The following CTNNA3 variants were observed in gnomAD, a reference collection of about 807,000 sequenced individuals.
CTNNA3 encodes the protein catenin alpha-3.
A neutral mutation model predicts 95.7 loss-of-function variants in CTNNA3; 76 were observed. The observed-to-expected ratio is 0.79, with a 90% CI of 0.66 to 0.96. The LOEUF (loss-of-function observed/expected upper bound fraction) is 0.96. Ranked by LOEUF, CTNNA3 falls within the 40% of genes least tolerant of loss-of-function variation. CTNNA3 has a pLI of 0.00. For missense variants in CTNNA3, 1,191 were observed against 1,089.8 expected (o/e 1.09, Z -1.31); for synonymous variants, 431 against 374.4 (o/e 1.15, Z -1.74).
chr10:66,110,360 TAAAAAAAAAAAAAA>T (rs35402161), intron 13 of CTNNA3, among the ~76,000 whole-genome samples: 1 of 104,886 alleles, frequency 9.5e-6, no homozygotes, highest in Non-Finnish European at 2.0e-5. Flanking sequence ...AGACTCTGTC[TAAAAAAAAAAAAAA>T]AAAAAAAATT....
At chr10:67,152,037 G>A (rs1269087031) in intron 7 of CTNNA3, among the ~76,000 whole-genome samples, 3 of 152,136 alleles carry the variant, frequency 2.0e-5, no homozygotes, top group Non-Finnish European at 4.4e-5. Context: ...GCTCCATATT[G>A]TAAGAGTTTA....
At chr10:65,929,928 G>A (rs1337511334) in intron 17 of CTNNA3, among the ~76,000 whole-genome samples, 2 of 151,940 alleles carry the variant, frequency 1.3e-5, no homozygotes, top group Non-Finnish European at 2.9e-5. Flanking sequence ...CAAATTTGAG[G>A]ATTTTGGTGG....
chr10:67,431,986 C>A (rs1276459910), intron 5 of CTNNA3, among the ~76,000 whole-genome samples: 3 of 151,956 alleles, frequency 2.0e-5, no homozygotes, highest in Non-Finnish European at 4.4e-5. Context: ...CCTTCTCCTC[C>A]AACCCACATA....
chr10:67,558,811 A>G (rs1369871235), intron 3 of CTNNA3, among the ~76,000 whole-genome samples: 2 of 152,238 alleles, frequency 1.3e-5, no homozygotes. Context: ...AACGGGCTTA[A>G]AAAATGGCAC....
chr10:67,639,307 A>G (rs1215897384), intron 2 of CTNNA3, among the ~76,000 whole-genome samples: 1 of 152,222 alleles, frequency 6.6e-6, no homozygotes, highest in Non-Finnish European at 1.5e-5. Flanking sequence ...CTAAACCAGG[A>G]AGAAGTTGAA....
At chr10:67,150,541 G>A (rs867839328) in intron 7 of CTNNA3, among the ~76,000 whole-genome samples, 3 of 152,208 alleles carry the variant, frequency 2.0e-5, no homozygotes, top group Non-Finnish European at 2.9e-5. Context: ...ATTCTCCAAC[G>A]GAGAATTAAT....
At chr10:66,436,210 G>A (rs984638901) in intron 11 of CTNNA3, among the ~76,000 whole-genome samples, 4 of 152,138 alleles carry the variant, frequency 2.6e-5, no homozygotes, top group African/African-American at 9.7e-5. Context: ...CCTGAGCTGA[G>A]TTCACATCCT....
chr10:67,088,734 G>T (rs568552590), intron 7 of CTNNA3, among the ~76,000 whole-genome samples: 2 of 152,010 alleles, frequency 1.3e-5, no homozygotes, highest in South Asian at 4.1e-4. Context: ...ACCACTAAAA[G>T]AATTATTATT....
chr10:66,892,426 G>A (rs1428559586), intron 7 of CTNNA3, among the ~76,000 whole-genome samples: 1 of 151,848 alleles, frequency 6.6e-6, no homozygotes, highest in South Asian at 2.1e-4. Context: ...ATTGTAAATC[G>A]CATTACTCTT....
At chr10:65,953,068 C>T (rs1417320631) in intron 17 of CTNNA3, among the ~76,000 whole-genome samples, 4 of 152,064 alleles carry the variant, frequency 2.6e-5, no homozygotes, top group Non-Finnish European at 4.4e-5. Flanking sequence ...GATTTTTGTT[C>T]CTGAATTTCC....
At chr10:66,983,008 A>G (rs911175957) in intron 7 of CTNNA3, among the ~76,000 whole-genome samples, 1 of 152,188 alleles carries the variant, frequency 6.6e-6, no homozygotes, top group African/African-American at 2.4e-5. Context: ...GAAATGCACT[A>G]ATGAGCAGAA....
chr10:66,810,188 T>G (rs369735208), intron 7 of CTNNA3, among the ~76,000 whole-genome samples: 1 of 152,214 alleles, frequency 6.6e-6, no homozygotes, highest in Non-Finnish European at 1.5e-5. Context: ...CATTATTAAT[T>G]GTGAATTACC....
chr10:67,252,984 T>C (rs1866168705), intron 5 of CTNNA3, among the ~76,000 whole-genome samples: 1 of 152,208 alleles, frequency 6.6e-6, no homozygotes, highest in Admixed American at 6.5e-5. Context: ...GATTCATTCT[T>C]ACCATAGAGC....
chr10:66,699,885 G>A lies in CTNNA3; in HGVS notation c.1281+66379C>T, dbSNP rs1429077312. On this transcript the variant is annotated intron_variant, in intron 9 of 17. Coordinates refer to ENST00000433211, the MANE Select transcript of CTNNA3 (RefSeq NM_013266.4). ...TTGGTCAGGCTGGTCTCGAACTCCC[G>A]ACCTCAGGTGATCTGCCTGCCTTGG... Among the ~76,000 whole-genome samples, 4 of 151,942 alleles carry A rather than the reference G, an allele frequency of 2.6e-5. 1 individual carries two copies. Among genetic ancestry groups the A allele is most frequent in the African/African-American group, 4.8e-5 (2 of 41,358 alleles).
intron 9 of CTNNA3, among the ~76,000 whole-genome samples, chr10:66,752,522 A>C (rs1295189312): frequency 6.6e-6 from 1 of 152,164 alleles, no homozygotes; most frequent in Non-Finnish European, 1.5e-5. Flanking sequence ...TGGATTAGGC[A>C]AAAGTTTCTT....
chr10:67,134,052 CAGTT>C (rs1259475382), intron 7 of CTNNA3, among the ~76,000 whole-genome samples: 2 of 152,210 alleles, frequency 1.3e-5, no homozygotes, highest in African/African-American at 4.8e-5. Context: ...CAATGTTACA[CAGTT>C]AGTCAGTAGC....
chr10:67,570,153 G>T (rs7084285), intron 3 of CTNNA3, among the ~76,000 whole-genome samples: 15,649 of 151,668 alleles, frequency 0.1, 1,597 homozygotes, highest in African/African-American at 0.27. Context: ...CTCCTGTGCT[G>T]CATTCGACAT....
rs1464817414 is a variant in CTNNA3, at chr10:65,917,862, A to T, written c.*2468T>A. On this transcript the variant is annotated 3_prime_UTR_variant, in exon 18 of 18. Coordinates refer to ENST00000433211, the MANE Select transcript of CTNNA3 (RefSeq NM_013266.4). Reference sequence around the variant, plus strand: ...CTGCTAGTTTTTCTTGCATATAAGCATTTGTTTTATCAGCAGGTTTGAATC... The same window carrying T: ...CTGCTAGTTTTTCTTGCATATAAGCTTTTGTTTTATCAGCAGGTTTGAATC... The T allele has an allele frequency of 6.6e-6, 1 of 152,150 alleles. No homozygotes were observed. The highest frequency in any genetic ancestry group is 2.4e-5 in the African/African-American group (1 of 41,436). 9.4% of individuals were successfully genotyped at this position (152,150 alleles called of 1,614,324 possible).
At chr10:66,731,978 A>C (rs1303478586) in intron 9 of CTNNA3, among the ~76,000 whole-genome samples, 1 of 152,246 alleles carries the variant, frequency 6.6e-6, no homozygotes, top group Non-Finnish European at 1.5e-5. Context: ...TGAAAAGTTC[A>C]GAAAATTAGC....
Sources: allele counts gnomAD v4.1 joint callset (sites outside exome capture counted in the v4.1 genomes callset), GRCh38; gene constraint gnomAD v4.1.1; transcripts MANE v1.5; gene names NCBI Gene and HGNC (gene_info 2026-07-23, HGNC 2026-07-21).